The following MAP4K4 variants were observed in gnomAD, a reference collection of about 807,000 sequenced individuals.
MAP4K4 encodes the protein mitogen-activated protein kinase kinase kinase kinase 4, also known as HPK/GCK-like kinase HGK.
A neutral mutation model predicts 189.6 loss-of-function variants in MAP4K4; 38 were observed. That is an observed-to-expected ratio of 0.20 (90% confidence interval 0.15 to 0.26). The LOEUF (loss-of-function observed/expected upper bound fraction) is 0.26. Ranked by LOEUF, MAP4K4 falls within the 10% of genes least tolerant of loss-of-function variation. MAP4K4 has a pLI of 1.00. For synonymous variants in MAP4K4, 610 were observed against 624.3 expected (o/e 0.98, Z 0.34); for missense variants, 1,054 against 1,726.9 (o/e 0.61, Z 6.91).
chr2:101,853,181 T>C (rs556596556), intron 12 of MAP4K4, among the ~76,000 whole-genome samples: 56 of 152,322 alleles, frequency 3.7e-4, no homozygotes, highest in Admixed American at 7.8e-4. Context: ...ACAGTCCTTA[T>C]AGTTTGCATT....
chr2:101,749,890 G>A (rs1258216858), intron 2 of MAP4K4, among the ~76,000 whole-genome samples: 1 of 68,522 alleles, frequency 1.5e-5, no homozygotes, highest in Non-Finnish European at 2.7e-5. Context: ...CATTTATGCA[G>A]CCAAAAAACA....
intron 2 of MAP4K4, among the ~76,000 whole-genome samples, chr2:101,719,203 G>A (rs935315556): frequency 6.6e-6 from 1 of 152,170 alleles, no homozygotes; most frequent in Non-Finnish European, 1.5e-5. Flanking sequence ...ATCTGTCTGG[G>A]TTGGGTTGGA....
chr2:101,750,451 A>G (rs1371777285), intron 2 of MAP4K4, among the ~76,000 whole-genome samples: 4 of 146,252 alleles, frequency 2.7e-5, no homozygotes, highest in Non-Finnish European at 4.5e-5. Flanking sequence ...ATAGGTGGGA[A>G]TAGAACAATG....
intron 2 of MAP4K4, among the ~76,000 whole-genome samples, chr2:101,737,716 T>C: frequency 6.6e-6 from 1 of 151,684 alleles, no homozygotes; most frequent in Non-Finnish European, 1.5e-5. Context: ...CTGGAACAGG[T>C]GACTCAGATG....
chr2:101,834,599 T>G (rs1446667472), intron 8 of MAP4K4, 136 bp downstream of exon 8: 3 of 664,878 alleles, frequency 4.5e-6, no homozygotes, highest in Admixed American at 2.8e-5. Flanking sequence ...AACATAAATA[T>G]AGTCAAGTTT....
intron 3 of MAP4K4, among the ~76,000 whole-genome samples, chr2:101,812,644 G>T (rs1420878317): frequency 1.3e-5 from 2 of 152,074 alleles, no homozygotes; most frequent in Non-Finnish European, 2.9e-5. Context: ...ATGACTTAGA[G>T]TATCTTTCTG....
At chr2:101,890,481 G>C (rs181393878) in intron 32 of MAP4K4, among the ~76,000 whole-genome samples, 2 of 152,272 alleles carry the variant, frequency 1.3e-5, no homozygotes, top group Admixed American at 6.5e-5. Context: ...TTTGGTGACG[G>C]AGTCTTGCTC....
intron 12 of MAP4K4, 28 bp downstream of exon 12, chr2:101,844,339 T>G: frequency 2.6e-6 from 4 of 1,546,610 alleles, no homozygotes; most frequent in Non-Finnish European, 3.5e-6. Flanking sequence ...TCCAAGTTGG[T>G]TGGTCTTTTC....
chr2:101,735,768 G>A (rs1163965448), intron 2 of MAP4K4, among the ~76,000 whole-genome samples: 1 of 152,216 alleles, frequency 6.6e-6, no homozygotes, highest in African/African-American at 2.4e-5. Context: ...CAGTTTGGAT[G>A]TTGTTGGATT....
chr2:101,879,451 G>A (rs759975010), intron 27 of MAP4K4, among the ~76,000 whole-genome samples: 5 of 152,062 alleles, frequency 3.3e-5, no homozygotes, highest in Non-Finnish European at 7.4e-5. Context: ...CCTTTTCTCT[G>A]TAAGTATATC....
intron 2 of MAP4K4, among the ~76,000 whole-genome samples, chr2:101,705,376 C>T (rs1354466341): frequency 6.6e-6 from 1 of 151,954 alleles, no homozygotes; most frequent in Non-Finnish European, 1.5e-5. Flanking sequence ...TTGTCTGCAT[C>T]TCCCTGGGTT....
At chr2:101,728,826 T>C (rs1242312958) in intron 2 of MAP4K4, among the ~76,000 whole-genome samples, 1 of 152,164 alleles carries the variant, frequency 6.6e-6, no homozygotes, top group Non-Finnish European at 1.5e-5. Context: ...ACAGATCCCC[T>C]AGTTGATTTT....
chr2:101,820,932 T>G (rs1284982552), intron 3 of MAP4K4, among the ~76,000 whole-genome samples: 2 of 152,226 alleles, frequency 1.3e-5, no homozygotes, highest in Non-Finnish European at 2.9e-5. Flanking sequence ...TACTTTTATT[T>G]GGGGGCATGC....
intron 4 of MAP4K4, 50 bp downstream of exon 4, chr2:101,824,103 G>A (rs1045852289): frequency 1.9e-5 from 10 of 539,918 alleles, no homozygotes; most frequent in Non-Finnish European, 2.6e-5. Flanking sequence ...TGCTTGAATT[G>A]TAAGGGCATG....
intron 3 of MAP4K4, among the ~76,000 whole-genome samples, chr2:101,812,223 A>C (rs150670460): frequency 1.1e-4 from 16 of 152,234 alleles, no homozygotes; most frequent in African/African-American, 3.6e-4. Context: ...CAATTGCTTC[A>C]AGTTAGCCAG....
chr2:101,830,947 G>T (rs1462974565), intron 6 of MAP4K4, among the ~76,000 whole-genome samples: 1 of 152,218 alleles, frequency 6.6e-6, no homozygotes, highest in Non-Finnish European at 1.5e-5. Context: ...TTCTGTGCAT[G>T]AATCTATGAT....
chr2:101,787,320 C>T (rs954004865), intron 2 of MAP4K4, among the ~76,000 whole-genome samples: 5 of 152,250 alleles, frequency 3.3e-5, no homozygotes, highest in African/African-American at 1.2e-4. Context: ...TAATAGATGT[C>T]TACCCCCAAA....
chr2:101,848,523 T>C (rs1296996244), intron 12 of MAP4K4, among the ~76,000 whole-genome samples: 1 of 152,330 alleles, frequency 6.6e-6, no homozygotes, highest in South Asian at 2.1e-4. Context: ...ATAACTGTTA[T>C]CTATCAGCAG....
chr2:101,741,140 G>A (rs1276547778), intron 2 of MAP4K4, among the ~76,000 whole-genome samples: 1 of 151,268 alleles, frequency 6.6e-6, no homozygotes. Context: ...TGCTGTACAT[G>A]GGGAAGTGTG....
Sources: allele counts gnomAD v4.1 joint callset (sites outside exome capture counted in the v4.1 genomes callset), GRCh38; gene constraint gnomAD v4.1.1; transcripts MANE v1.5; gene names NCBI Gene and HGNC (gene_info 2026-07-23, HGNC 2026-07-21).